The following STRN3 variants were observed in gnomAD, a reference collection of about 807,000 sequenced individuals.
STRN3 encodes the protein striatin 3.
Under a neutral mutation model 95.6 loss-of-function variants are expected in STRN3, and 29 were observed. The ratio of observed to expected loss-of-function variants is 0.30; its 90% CI spans 0.23 to 0.41. The LOEUF (loss-of-function observed/expected upper bound fraction) is 0.41. STRN3 is among the 10% of genes least tolerant of loss of function. STRN3 has a pLI of 1.00. For missense variants in STRN3, 890 were observed against 972.1 expected, an observed-to-expected ratio of 0.92 and a Z score of 1.12; for synonymous variants, 331 against 357.6, an observed-to-expected ratio of 0.93 and a Z score of 0.84.
chr14:31,013,766 T>C (rs1180745542), intron 1 of STRN3, among the ~76,000 whole-genome samples: 2 of 141,930 alleles, frequency 1.4e-5, no homozygotes, highest in East Asian at 4.3e-4. Flanking sequence ...AAATTTTTTC[T>C]TTTCTGTAGA....
At chr14:30,946,713 C>T (rs1879375435) in intron 5 of STRN3, among the ~76,000 whole-genome samples, 1 of 152,190 alleles carries the variant, frequency 6.6e-6, no homozygotes, top group Admixed American at 6.5e-5. Flanking sequence ...CACGCTGGCT[C>T]ACGCCTGTAA....
At chr14:30,965,682 C>T (rs956041739) in intron 1 of STRN3, among the ~76,000 whole-genome samples, 1 of 147,694 alleles carries the variant, frequency 6.8e-6, no homozygotes, top group Admixed American at 6.9e-5. Context: ...GGCATAGTGG[C>T]AGGTGCCTGT....
chr14:30,994,188 A>G (rs1253357399), intron 1 of STRN3, among the ~76,000 whole-genome samples: 1 of 151,674 alleles, frequency 6.6e-6, no homozygotes, highest in African/African-American at 2.4e-5. Context: ...ACGGGGTTTC[A>G]ATATGTTGGC....
intron 1 of STRN3, among the ~76,000 whole-genome samples, chr14:30,976,184 T>A (rs534612884): frequency 1.3e-5 from 2 of 152,314 alleles, no homozygotes; most frequent in South Asian, 2.1e-4. Context: ...TATTTAAGTA[T>A]ACACACAGAA....
In STRN3 at chr14:30,895,345, G is replaced by C; in HGVS notation, c.*66C>G. ...GTAGTGTCATATCAGTAACCTTTCT[G>C]ATGGCAGTGATGCAGACCCTCTTTC... is the stretch of plus-strand genomic sequence containing the variant. On this transcript the variant is annotated 3_prime_UTR_variant, in exon 18 of 18. Coordinates refer to ENST00000357479, the MANE Select transcript of STRN3 (RefSeq NM_001083893.2). The C allele has an allele frequency of 6.8e-7, 1 of 1,480,024 alleles. No homozygotes were observed. Among genetic ancestry groups the C allele is most frequent in the South Asian group, 1.3e-5 (1 of 74,082 alleles). The allele number at this position is 1,480,024 out of a possible 1,614,324, so 91.7% of individuals were successfully genotyped here.
chr14:31,026,359 A>G lies in STRN3; in HGVS notation c.-174T>C, dbSNP rs1412861404. 1 of 407,118 alleles carries G rather than the reference A, an allele frequency of 2.5e-6. No individual in the cohort carries two copies. The highest frequency in any genetic ancestry group is 2.4e-5 in the African/African-American group (1 of 40,992). The allele number at this position is 407,118 out of a possible 1,614,324, so 25.2% of individuals were successfully genotyped here. On this transcript the variant is annotated 5_prime_UTR_variant, in exon 1 of 18. An upstream start codon of the reference 5' UTR is lost. Coordinates refer to ENST00000357479, the MANE Select transcript of STRN3 (RefSeq NM_001083893.2). ...GAGCAGGGAGCTGCCGGCTGCCGCC[A>G]TTACAATCCCTCCTCCATCTGCCCG...
chr14:30,905,533 G>A lies in STRN3; in HGVS notation c.1914C>T (p.Asp638=). 6.2e-7 allele frequency: 1 copy of A among 1,605,066 alleles called. No homozygotes were observed. The part of the protein sequence containing the change: ...DKKHGIPTSV[D]FIGCDPAHMV... ...TATGAGCTGGATCACAGCCTATAAAGTCAACTGATGTAGGTATTCCATGCT... is the reference window on the plus strand; with the variant it reads ...TATGAGCTGGATCACAGCCTATAAAATCAACTGATGTAGGTATTCCATGCT... Residue 638 remains aspartate, a synonymous_variant, in exon 15 of 18, where the codon GAC becomes GAT. Transcript: ENST00000357479.
intron 1 of STRN3, among the ~76,000 whole-genome samples, chr14:31,024,453 A>C (rs369782133): frequency 6.6e-6 from 1 of 152,228 alleles, no homozygotes; most frequent in East Asian, 1.9e-4. Flanking sequence ...TTTTGACTTC[A>C]GCTTTTTTAA....
At chr14:30,907,784 C>G (rs1214425628) in intron 13 of STRN3, among the ~76,000 whole-genome samples, 1 of 152,040 alleles carries the variant, frequency 6.6e-6, no homozygotes, top group Non-Finnish European at 1.5e-5. Flanking sequence ...TATGGATATA[C>G]CATATTTTAT....
At chr14:30,936,073 T>C (rs1158856962) in intron 6 of STRN3, among the ~76,000 whole-genome samples, 1 of 152,240 alleles carries the variant, frequency 6.6e-6, no homozygotes, top group East Asian at 1.9e-4. Context: ...TATTATTCTT[T>C]ACTAAAATAC....
chr14:30,904,799 A>G (rs1205952195), intron 15 of STRN3, among the ~76,000 whole-genome samples: 2 of 152,088 alleles, frequency 1.3e-5, no homozygotes, highest in Non-Finnish European at 2.9e-5. Flanking sequence ...TTTAAAAGAA[A>G]AAAACAGTGA....
chr14:31,013,004 A>C (rs979393804), intron 1 of STRN3, among the ~76,000 whole-genome samples: 1 of 152,166 alleles, frequency 6.6e-6, no homozygotes, highest in Non-Finnish European at 1.5e-5. Context: ...CATGCCTATA[A>C]TCCCAGCACT....
chr14:30,902,198 AAAAAAAAAAAT>A (rs1375716580), intron 16 of STRN3, among the ~76,000 whole-genome samples: 11 of 146,436 alleles, frequency 7.5e-5, no homozygotes, highest in East Asian at 6.2e-4. Flanking sequence ...AAAAAAAAAA[AAAAAAAAAAAT>A]GGAAATGCCA....
Position 30,970,909 on chromosome 14 carries a change from C to T in STRN3, c.283-14667G>A, listed in dbSNP as rs960403826. ...CCACTAAGGTGGTCCTCCAGTCAACCAGGCAAGGGCTGCATGGTAGCTCTT... is the reference window on the plus strand; with the variant it reads ...CCACTAAGGTGGTCCTCCAGTCAACTAGGCAAGGGCTGCATGGTAGCTCTT... On this transcript the variant is annotated intron_variant, in intron 1 of 17. Transcript: ENST00000357479. Among the ~76,000 whole-genome samples, 9 of 152,344 alleles carry T rather than the reference C, an allele frequency of 5.9e-5. No individual in the cohort carries two copies. The East Asian group carries it at 1.7e-3, about 29-fold the overall frequency.
chr14:30,901,334 T>C (rs1478040720), intron 16 of STRN3, among the ~76,000 whole-genome samples: 4 of 152,146 alleles, frequency 2.6e-5, no homozygotes, highest in Non-Finnish European at 4.4e-5. Flanking sequence ...TTGAATCTTA[T>C]GTCCTGTGCA....
intron 7 of STRN3, among the ~76,000 whole-genome samples, chr14:30,930,751 TG>T (rs376335550): frequency 4.3e-4 from 66 of 152,318 alleles, no homozygotes; most frequent in South Asian, 2.3e-3. Flanking sequence ...TGAAGTTTCC[TG>T]AAAATTATGC....
chr14:31,019,886 C>CTTTTTTT (rs67956918), intron 1 of STRN3, among the ~76,000 whole-genome samples: 6 of 143,048 alleles, frequency 4.2e-5, no homozygotes, highest in Non-Finnish European at 4.5e-5. Context: ...CACTCATTTT[C>CTTTTTTT]TTTTTTTTTT....
chr14:31,017,304 C>A (rs928099784), intron 1 of STRN3, among the ~76,000 whole-genome samples: 1 of 151,338 alleles, frequency 6.6e-6, no homozygotes, highest in Admixed American at 6.6e-5. Context: ...TCGAGACCAT[C>A]CTGGCTAACA....
chr14:30,967,283 GA>G (rs1239197319), intron 1 of STRN3, among the ~76,000 whole-genome samples: 1 of 144,176 alleles, frequency 6.9e-6, no homozygotes, highest in African/African-American at 2.6e-5. Context: ...GAGAGGCAGA[GA>G]GGGGGGAAAG....
Sources: allele counts gnomAD v4.1 joint callset (sites outside exome capture counted in the v4.1 genomes callset), GRCh38; gene constraint gnomAD v4.1.1; transcripts MANE v1.5; gene names NCBI Gene and HGNC (gene_info 2026-07-23, HGNC 2026-07-21).